Variants in NCAPG observed in about 807,000 individuals in gnomAD.
The protein encoded by NCAPG is non-SMC condensin I complex subunit G, also known as condensin complex subunit 3.
Under a neutral mutation model 113.1 loss-of-function variants are expected in NCAPG, and 69 were observed. That is an observed-to-expected ratio of 0.61 (90% CI 0.50 to 0.75). The LOEUF (loss-of-function observed/expected upper bound fraction) is 0.75, where lower values mean the gene tolerates loss of function less well. Ranked by LOEUF, NCAPG falls within the 30% of genes least tolerant of loss-of-function variation. The pLI, the probability that NCAPG is intolerant of heterozygous loss-of-function variation, is 0.00. For missense variants in NCAPG, 1,058 were observed against 1,177.0 expected, an observed-to-expected ratio of 0.90 and a Z score of 1.48; for synonymous variants, 370 against 415.8, an observed-to-expected ratio of 0.89 and a Z score of 1.34.
chr4:17,842,952 GAACTT>G (rs1204605452), intron 20 of NCAPG: 1 of 169,290 alleles, frequency 5.9e-6, no homozygotes, highest in Non-Finnish European at 1.3e-5. Flanking sequence ...TCAAGAGAGA[GAACTT>G]AATTTTTTTG....
chr4:17,840,142 ATT>A lies in NCAPG; in HGVS notation c.2702_2703del (p.Phe901TrpfsTer2). On this transcript the variant is annotated frameshift_variant, in exon 18 of 21. Transcript: ENST00000251496. LOFTEE classifies it high-confidence loss of function. ...KIQLEKGNKE[F>X]GDQAEAAQDA... ...TTCAGTTAGAAAAAGGAAATAAAGAATTTGGTGACCAAGCTGAAGCAGCACAG... is the reference window on the plus strand; with the variant it reads ...TTCAGTTAGAAAAAGGAAATAAAGAATGGTGACCAAGCTGAAGCAGCACAG... 2 of 1,612,218 alleles carry A rather than the reference ATT, an allele frequency of 1.2e-6. No individual in the cohort carries two copies. Among genetic ancestry groups the A allele is most frequent in the Non-Finnish European group, 1.7e-6 (2 of 1,179,122 alleles).
intron 16 of NCAPG, 21 bp from the exon 17 acceptor site, chr4:17,839,655 A>C (rs370796900): frequency 2.7e-6 from 4 of 1,455,184 alleles, no homozygotes; most frequent in Non-Finnish European, 3.6e-6. Flanking sequence ...ATTTACAGAG[A>C]ATTTTCTCTT....
chr4:17,815,548 A>G (rs41268411), intron 5 of NCAPG, among the ~76,000 whole-genome samples, 190 bp downstream of exon 5: 18,621 of 152,176 alleles, frequency 0.12, 1,247 homozygotes, highest in South Asian at 0.24. Flanking sequence ...TTTTTGAGAC[A>G]GAGTCTCACT....
intron 20 of NCAPG, 51 bp downstream of exon 20, chr4:17,842,430 T>G (rs1722502605): frequency 2.7e-6 from 4 of 1,476,948 alleles, no homozygotes; most frequent in Non-Finnish European, 3.8e-6. Flanking sequence ...ACTTTTTATT[T>G]CTACAAGTAG....
chr4:17,812,582 G>A (rs750484590), intron 2 of NCAPG, among the ~76,000 whole-genome samples, 158 bp downstream of exon 2: 25 of 152,026 alleles, frequency 1.6e-4, no homozygotes, highest in Admixed American at 3.3e-4. Context: ...TTATCATTAT[G>A]ATTAAAAAGT....
Position 17,817,462 on chromosome 4 carries a change from A to G in NCAPG, c.968+9A>G, listed in dbSNP as rs771542204. On this transcript the variant is annotated intron_variant, in intron 6 of 20. Coordinates refer to ENST00000251496, the MANE Select transcript of NCAPG (RefSeq NM_022346.5). Reference sequence around the variant, plus strand: ...AAAAACAATGATGGCAGGTACATAAAGGATTCATTCTTTGAAATGTAGTAC... The same window carrying G: ...AAAAACAATGATGGCAGGTACATAAGGGATTCATTCTTTGAAATGTAGTAC... 1 of 1,610,200 alleles carries G rather than the reference A, an allele frequency of 6.2e-7. No individual in the cohort carries two copies. Among genetic ancestry groups the G allele is most frequent in the Non-Finnish European group, 8.5e-7 (1 of 1,177,522 alleles).
intron 2 of NCAPG, 56 bp downstream of exon 2, chr4:17,812,480 A>G (rs1577330312): frequency 7.5e-7 from 1 of 1,331,334 alleles, no homozygotes; most frequent in East Asian, 2.4e-5. Flanking sequence ...GCCACTTTAA[A>G]AGAGTCGTGG....
At chr4:17,814,635 G>A (rs1451981293) in intron 3 of NCAPG, among the ~76,000 whole-genome samples, 2 of 151,830 alleles carry the variant, frequency 1.3e-5, no homozygotes, top group African/African-American at 4.8e-5. Flanking sequence ...TGTAGAGACA[G>A]GGGTCTTTCT....
chr4:17,823,886 A>G (rs1721554959), intron 9 of NCAPG, 116 bp downstream of exon 9: 1 of 794,950 alleles, frequency 1.3e-6, no homozygotes, highest in Non-Finnish European at 2.0e-6. Context: ...TCGTCTCTTT[A>G]ATGAGTTTTA....
intron 3 of NCAPG, 66 bp downstream of exon 3, chr4:17,813,211 T>C: frequency 7.6e-7 from 1 of 1,310,490 alleles, no homozygotes; most frequent in Non-Finnish European, 1.1e-6. Flanking sequence ...GTATTTGAAA[T>C]TTTTTATTAT....
At chr4:17,816,397 G>C (rs541372779) in intron 5 of NCAPG, among the ~76,000 whole-genome samples, 1 of 152,290 alleles carries the variant, frequency 6.6e-6, no homozygotes, top group East Asian at 1.9e-4. Context: ...ACTGGTACTA[G>C]TCCGTGGCCC....
chr4:17,815,490 G>A, intron 5 of NCAPG, 132 bp downstream of exon 5: 2 of 628,428 alleles, frequency 3.2e-6, no homozygotes, highest in Non-Finnish European at 5.5e-6. Context: ...AATTTATCTT[G>A]ATGTATTATA....
In NCAPG at chr4:17,843,449, TTTAAGA is replaced by T. The variant is rs1560238193; in HGVS notation, c.*28_*33del. 4 of 1,607,592 alleles carry T rather than the reference TTTAAGA, an allele frequency of 2.5e-6. No homozygotes were observed. Among genetic ancestry groups the T allele is most frequent in the Admixed American group, 1.7e-5 (1 of 59,628 alleles). ...AGGAAAGACGATGGAGGTGGAATCC[TTTAAGA>T]TTATGTCCAGTTATTTGCTTTAATA... On this transcript the variant is annotated 3_prime_UTR_variant, in exon 21 of 21. Coordinates refer to ENST00000251496, the MANE Select transcript of NCAPG (RefSeq NM_022346.5).
intron 20 of NCAPG, 194 bp from the exon 21 acceptor site, chr4:17,843,108 C>A: frequency 2.1e-6 from 1 of 486,016 alleles, no homozygotes; most frequent in Non-Finnish European, 3.7e-6. Context: ...GCTAGATTTT[C>A]CCTGATTCAC....
chr4:17,837,523 A>G (rs1417829803), intron 15 of NCAPG, 104 bp from the exon 16 acceptor site: 8 of 1,360,836 alleles, frequency 5.9e-6, no homozygotes, highest in East Asian at 2.3e-5. Context: ...CTAGATGAAA[A>G]TGCACTTAAT....
At chr4:17,817,879 C>G (rs1249940697) in intron 6 of NCAPG, 60 bp from the exon 7 acceptor site, 3 of 1,492,582 alleles carry the variant, frequency 2.0e-6, no homozygotes, top group Admixed American at 2.3e-5. Flanking sequence ...TTTTTGTACT[C>G]TTCAATTCTT....
chr4:17,831,066 GGACTACA>G lies in NCAPG; in HGVS notation c.1837_1843del (p.Leu613IlefsTer23). On this transcript the variant is annotated frameshift_variant, in exon 13 of 21. Coordinates refer to ENST00000251496, the MANE Select transcript of NCAPG (RefSeq NM_022346.5). LOFTEE classifies it high-confidence loss of function. The stretch of plus-strand genomic sequence containing the variant: ...GGCTGTTTTATGCTTGGGATGCTGT[GGACTACA>G]GAATCAGGATTTTGCAAGGAAACAC... 6.2e-7 allele frequency: 1 copy of G among 1,613,280 alleles called. No homozygotes were observed. The highest frequency in any genetic ancestry group is 8.5e-7 in the Non-Finnish European group (1 of 1,179,500).
At chr4:17,841,395 T>A (rs1722387023) in intron 19 of NCAPG, 1 of 151,992 alleles carries the variant, frequency 6.6e-6, no homozygotes, top group Non-Finnish European at 1.5e-5. Context: ...AAATGGAGTC[T>A]GGTCATAATA....
intron 13 of NCAPG, among the ~76,000 whole-genome samples, chr4:17,832,543 A>G (rs1721907155): frequency 6.6e-6 from 1 of 152,172 alleles, no homozygotes. Context: ...TGGGCATGAT[A>G]AGTTTACAGT....
Sources: allele counts gnomAD v4.1 joint callset (sites outside exome capture counted in the v4.1 genomes callset), GRCh38; gene constraint gnomAD v4.1.1; transcripts MANE v1.5; gene names NCBI Gene and HGNC (gene_info 2026-07-23, HGNC 2026-07-21).